Variants in SBF2 observed in about 807,000 individuals in gnomAD.
SBF2 encodes SET binding factor 2, also known as myotubularin-related protein 13.
Under a neutral mutation model 225.2 loss-of-function variants are expected in SBF2, and 112 were observed. The observed-to-expected ratio is 0.50, with a 90% confidence interval of 0.43 to 0.58. SBF2 has a LOEUF of 0.58. SBF2 is among the 20% of genes least tolerant of loss of function. The pLI is 0.00. For synonymous variants in SBF2, 763 were observed against 773.3 expected (o/e 0.99, Z 0.22); for missense variants, 1,996 against 2,206.2 (o/e 0.90, Z 1.91).
chr11:10,017,579 T>A (rs575498838), intron 6 of SBF2, among the ~76,000 whole-genome samples: 1 of 152,210 alleles, frequency 6.6e-6, no homozygotes, highest in African/African-American at 2.4e-5. Flanking sequence ...AGGTAATGTT[T>A]ACTATCTGTT....
intron 2 of SBF2, among the ~76,000 whole-genome samples, chr11:10,110,389 A>T (rs1474089520): frequency 6.6e-6 from 1 of 152,192 alleles, no homozygotes; most frequent in Non-Finnish European, 1.5e-5. Context: ...TACTAATTAA[A>T]ATAGAAAATT....
At position 9,925,285 on chromosome 11, in the gene SBF2, T is replaced by G. The variant is rs576468904; in HGVS notation, c.1861-29274A>C. Among the ~76,000 whole-genome samples, 587 of 150,274 alleles carry G rather than the reference T, an allele frequency of 3.9e-3. 3 individuals are homozygous for G. Among genetic ancestry groups the G allele is most frequent in the South Asian group, 5.2e-3 (25 of 4,808 alleles). ...AAATTAATGTAAAAGTCACTAATGA[T>G]ATATATATATATATATTTTTAGATG... On this transcript the variant is annotated intron_variant, in intron 16 of 39. Coordinates refer to ENST00000256190, the MANE Select transcript of SBF2 (RefSeq NM_030962.4).
chr11:10,249,263 G>A (rs1374924432), intron 1 of SBF2, among the ~76,000 whole-genome samples: 2 of 152,062 alleles, frequency 1.3e-5, no homozygotes, highest in South Asian at 2.1e-4. Context: ...GTTATAAAAG[G>A]TTTATAAAAA....
chr11:9,869,753 T>C (rs545583919), intron 17 of SBF2, among the ~76,000 whole-genome samples: 9 of 152,130 alleles, frequency 5.9e-5, no homozygotes, highest in Non-Finnish European at 1.3e-4. Context: ...TTATACTGAA[T>C]AGGCAAAAAC....
chr11:10,098,738 G>A (rs1952156173), intron 2 of SBF2, among the ~76,000 whole-genome samples: 1 of 141,588 alleles, frequency 7.1e-6, no homozygotes, highest in Non-Finnish European at 1.5e-5. Context: ...TGGAGCTGAA[G>A]AACACCATAA....
intron 14 of SBF2, among the ~76,000 whole-genome samples, chr11:9,964,996 G>A (rs1054905976): frequency 6.6e-6 from 1 of 152,108 alleles, no homozygotes. Context: ...TAGCCATTAA[G>A]TAATTTCTCA....
In SBF2 at chr11:9,896,206, A is replaced by G. The variant is rs79975896; in HGVS notation, c.1861-195T>C. ...GACATAGCTAGGTAAGTTTTGGGGG[A>G]AAAAACTGTGTGTGAAGCACATTCT... On this transcript the variant is annotated intron_variant, in intron 16 of 39. Coordinates refer to ENST00000256190, the MANE Select transcript of SBF2 (RefSeq NM_030962.4). 2.5e-3 allele frequency among the ~76,000 whole-genome samples: 388 copies of G among 152,192 alleles called. 11 individuals are homozygous for G. In the East Asian group the frequency reaches 0.06, roughly 24 times the overall value.
At chr11:10,195,886 T>C (rs1254755510) in intron 1 of SBF2, among the ~76,000 whole-genome samples, 2 of 152,212 alleles carry the variant, frequency 1.3e-5, no homozygotes, top group South Asian at 2.1e-4. Flanking sequence ...CTTTTTATCA[T>C]AGGCACTCAT....
intron 1 of SBF2, among the ~76,000 whole-genome samples, chr11:10,282,935 T>G (rs962202122): frequency 1.2e-4 from 19 of 152,332 alleles, no homozygotes; most frequent in African/African-American, 4.6e-4. Context: ...AGTTTCCATC[T>G]ACTTTCACTT....
At chr11:10,230,750 C>G (rs1163345998) in intron 1 of SBF2, among the ~76,000 whole-genome samples, 4 of 152,232 alleles carry the variant, frequency 2.6e-5, no homozygotes, top group African/African-American at 4.8e-5. Flanking sequence ...ACATTTTTTC[C>G]TTCATTTCAA....
rs141270816 is a variant in SBF2 at position 10,201,344 on chromosome 11, A to C, written c.56-7357T>G. On this transcript the variant is annotated intron_variant, in intron 1 of 39. Transcript: ENST00000256190. ...TGTTCTCTAGAAGACCTGTGTTATAATGCCAAGACAGCCAGAAAATCAAAG... is the reference window on the plus strand; with the variant it reads ...TGTTCTCTAGAAGACCTGTGTTATACTGCCAAGACAGCCAGAAAATCAAAG... Among the ~76,000 whole-genome samples the C allele has an allele frequency of 3.5e-4, 53 of 152,336 alleles. No homozygotes were observed. In the South Asian group the frequency reaches 4.3e-3, roughly 12 times the overall value.
rs564904778 is a variant in SBF2, at chr11:10,216,847, G to A, written c.56-22860C>T. 2.0e-5 allele frequency among the ~76,000 whole-genome samples: 3 copies of A among 152,200 alleles called. No individual in the cohort carries two copies. In the East Asian group the frequency reaches 5.8e-4, roughly 29 times the overall value. On this transcript the variant is annotated intron_variant, in intron 1 of 39. Transcript: ENST00000256190. ...ATTGCACCACTGTACTCTAGCCTAG[G>A]TGGCAAAAGGAGAATCTGTCTCAAA...
intron 2 of SBF2, among the ~76,000 whole-genome samples, chr11:10,077,462 C>G (rs1270893230): frequency 1.3e-5 from 2 of 151,244 alleles, no homozygotes; most frequent in Admixed American, 6.6e-5. Flanking sequence ...CATCTATACA[C>G]CAATGGAATA....
At chr11:9,863,656 G>A (rs1857946279) in intron 17 of SBF2, among the ~76,000 whole-genome samples, 1 of 151,922 alleles carries the variant, frequency 6.6e-6, no homozygotes, top group African/African-American at 2.4e-5. Context: ...GCTTAGTCTT[G>A]AGAGACAAAC....
intron 6 of SBF2, among the ~76,000 whole-genome samples, chr11:10,004,825 C>T (rs1948126126): frequency 6.6e-6 from 1 of 152,156 alleles, no homozygotes; most frequent in African/African-American, 2.4e-5. Context: ...TAATCAGAGA[C>T]TCAAAAGAAT....
At chr11:10,040,547 G>A (rs1184729391) in intron 3 of SBF2, among the ~76,000 whole-genome samples, 1 of 151,892 alleles carries the variant, frequency 6.6e-6, no homozygotes, top group East Asian at 1.9e-4. Context: ...GTATGTACTA[G>A]ATCCTGTACT....
At chr11:9,809,116 C>A in intron 30 of SBF2, 114 bp from the exon 31 acceptor site, 2 of 722,696 alleles carry the variant, frequency 2.8e-6, no homozygotes, top group Non-Finnish European at 5.0e-6. Flanking sequence ...AGCGCTTGCA[C>A]AAAAGAACCA....
chr11:10,161,259 A>T (rs933071150), intron 2 of SBF2, among the ~76,000 whole-genome samples: 1 of 152,114 alleles, frequency 6.6e-6, no homozygotes, highest in East Asian at 1.9e-4. Flanking sequence ...GCTGCCACAA[A>T]CATGGACACA....
intron 26 of SBF2, among the ~76,000 whole-genome samples, chr11:9,835,429 G>T (rs559010729): frequency 1.4e-4 from 21 of 151,758 alleles, no homozygotes; most frequent in Admixed American, 4.6e-4. Context: ...GACCAGCCTG[G>T]GCAACATAGT....
Sources: allele counts gnomAD v4.1 joint callset (sites outside exome capture counted in the v4.1 genomes callset), GRCh38; gene constraint gnomAD v4.1.1; transcripts MANE v1.5; gene names NCBI Gene and HGNC (gene_info 2026-07-23, HGNC 2026-07-21).